TK1: variants seen among roughly 807,000 people sequenced by gnomAD.
TK1 encodes thymidine kinase 1.
In TK1, 13 loss-of-function variants were observed where a neutral mutation model predicts 22.4. The observed-to-expected ratio is 0.58, with a 90% CI of 0.38 to 0.92. The LOEUF (loss-of-function observed/expected upper bound fraction) is 0.92, where lower values mean the gene tolerates loss of function less well. TK1 is among the 40% of genes least tolerant of loss of function. The probability of loss-of-function intolerance (pLI) is 0.00; values close to 1 mark genes in which losing one functional copy is unlikely to be tolerated. For synonymous variants in TK1, 134 were observed against 125.4 expected, an observed-to-expected ratio of 1.07 and a Z score of -0.46; for missense variants, 251 against 315.7, an observed-to-expected ratio of 0.80 and a Z score of 1.55.
chr17:78,181,114 GGCAC>G (rs111477915), intron 4 of TK1, among the ~76,000 whole-genome samples: 11,355 of 151,962 alleles, frequency 0.075, 656 homozygotes, highest in East Asian at 0.27. Flanking sequence ...TACGCATGGT[GGCAC>G]GCACCTGTGA....
intron 3 of TK1, among the ~76,000 whole-genome samples, 158 bp downstream of exon 3, chr17:78,184,897 G>A (rs2075769577): frequency 6.6e-6 from 1 of 152,068 alleles, no homozygotes; most frequent in African/African-American, 2.4e-5. Flanking sequence ...CCAGGGAGTG[G>A]AGAGTGTGCG....
intron 4 of TK1, among the ~76,000 whole-genome samples, chr17:78,180,231 C>T (rs986232784): frequency 6.6e-6 from 1 of 152,248 alleles, no homozygotes; most frequent in Non-Finnish European, 1.5e-5. Context: ...TCTTCCCCTC[C>T]GTGTCTGTAT....
intron 4 of TK1, among the ~76,000 whole-genome samples, chr17:78,177,220 TAG>T (rs1567831125): frequency 6.6e-6 from 1 of 152,200 alleles, no homozygotes; most frequent in East Asian, 1.9e-4. Flanking sequence ...AAACTTATTA[TAG>T]ATTGCATGTC....
rs751365108 is a variant in TK1 at position 78,187,040 on chromosome 17, C to A, written c.-46G>T. 4.5e-6 allele frequency: 7 copies of A among 1,572,554 alleles called. No individual in the cohort carries two copies. The South Asian group carries it at 5.7e-5, about 13-fold the overall frequency. ...GAACCCGAGTACTCTCCAAGGCCGT[C>A]CCGCAGTAAGCCCCTGGTTCCCGCG... is the stretch of plus-strand genomic sequence containing the variant. On this transcript the variant is annotated 5_prime_UTR_variant, in exon 1 of 7. Transcript: ENST00000301634.
chr17:78,182,770 C>CAGCA, intron 3 of TK1, 88 bp from the exon 4 acceptor site: 1 of 948,924 alleles, frequency 1.1e-6, no homozygotes. Flanking sequence ...TCGTGACCAC[C>CAGCA]TGCTACCTGC....
At chr17:78,179,113 C>T (rs1280507507) in intron 4 of TK1, 2 of 975,236 alleles carry the variant, frequency 2.1e-6, no homozygotes, top group Admixed American at 6.2e-5. Flanking sequence ...CTGGGTCAGC[C>T]TCTGTCAACA....
chr17:78,182,251 G>C (rs562700050), intron 4 of TK1, among the ~76,000 whole-genome samples: 1 of 151,718 alleles, frequency 6.6e-6, no homozygotes, highest in Admixed American at 6.6e-5. Flanking sequence ...GCGCATGCCT[G>C]TAATCCCAGC....
In TK1 at chr17:78,182,630, C is replaced by A; in HGVS notation, c.262G>T (p.Ala88Ser). 1 of 1,596,298 alleles carries A rather than the reference C, an allele frequency of 6.3e-7. No individual in the cohort carries two copies. The highest frequency in any genetic ancestry group is 8.5e-7 in the Non-Finnish European group (1 of 1,172,598). ...ATGCCTATGACAGCCACGCCCAGGG[C>A]CTCCTGGGCCACGTCTCGGAGCAGG... ...ACLLRDVAQE[A>S]LGVAVIGIDE... The change falls in exon 4 of 7, where the codon GCC becomes TCC. Residue 88 changes from alanine (A) to serine (S), a missense_variant. Physicochemically the swap from Ala to Ser is moderately conservative, Grantham distance 99. Coordinates refer to ENST00000301634, the MANE Select transcript of TK1 (RefSeq NM_003258.5).
intron 3 of TK1, 66 bp from the exon 4 acceptor site, chr17:78,182,748 G>T: frequency 7.8e-7 from 1 of 1,289,144 alleles, no homozygotes; most frequent in Non-Finnish European, 1.0e-6. Context: ...CAGGGGCCAG[G>T]GAATGGCACT....
At chr17:78,179,448 A>G (rs1302626826) in intron 4 of TK1, 1 of 985,298 alleles carries the variant, frequency 1.0e-6, no homozygotes, top group African/African-American at 1.7e-5. Context: ...GCCATACCCA[A>G]GCGGGGAGGA....
chr17:78,186,360 G>A (rs1270257658), intron 2 of TK1, among the ~76,000 whole-genome samples: 2 of 152,154 alleles, frequency 1.3e-5, no homozygotes, highest in Admixed American at 1.3e-4. Flanking sequence ...CACGGCTTCA[G>A]ACTCCTTGGT....
chr17:78,175,261 G>C, intron 5 of TK1, 92 bp from the exon 6 acceptor site: 2 of 1,414,152 alleles, frequency 1.4e-6, no homozygotes, highest in Non-Finnish European at 1.9e-6. Flanking sequence ...CTGAAGCCAG[G>C]AGAGTTTGCT....
At position 78,184,947 on chromosome 17, in the gene TK1, T is replaced by C. The variant is rs184920411; in HGVS notation, c.209+108A>G. 73 of 849,478 alleles carry C rather than the reference T, an allele frequency of 8.6e-5. No homozygotes were observed. The African/African-American group carries it at 9.0e-4, about 10-fold the overall frequency. 52.6% of individuals were successfully genotyped at this position (849,478 alleles called of 1,614,324 possible). On this transcript the variant is annotated intron_variant, in intron 3 of 6. Transcript: ENST00000301634. ...ACCTTGGAAAGTGTGCTGATTTGAA[T>C]CATTCAATGTTCAAATGATTAACCA...
At chr17:78,183,517 A>C (rs374568858) in intron 3 of TK1, among the ~76,000 whole-genome samples, 8 of 152,182 alleles carry the variant, frequency 5.3e-5, no homozygotes, top group Middle Eastern at 3.4e-3. Flanking sequence ...ACACAGCGAG[A>C]CACTGTGTGA....
At chr17:78,185,020 T>G in intron 3 of TK1, 35 bp downstream of exon 3, 1 of 1,539,806 alleles carries the variant, frequency 6.5e-7, no homozygotes, top group Non-Finnish European at 9.0e-7. Context: ...CTTGTGATTT[T>G]CCACTGGACA....
chr17:78,186,953 G>A lies in TK1; in HGVS notation c.42C>T (p.Pro14=). 1.3e-6 allele frequency: 2 copies of A among 1,574,134 alleles called. No homozygotes were observed. Among genetic ancestry groups the A allele is most frequent in the Non-Finnish European group, 8.6e-7 (1 of 1,160,074 alleles). Residue 14 remains proline (P), a synonymous_variant, in exon 1 of 7, where the codon CCC becomes CCT. Transcript: ENST00000301634. ...CCTGGATCTGCCCCCGGGTCTTGCT[G>A]GGGGAGCCAGGCAGCACAGTGGGCA... The part of the protein sequence containing the change: ...INLPTVLPGS[P]SKTRGQIQVI...
intron 3 of TK1, among the ~76,000 whole-genome samples, chr17:78,183,974 A>AACTC (rs1216074188): frequency 6.6e-6 from 1 of 152,170 alleles, no homozygotes; most frequent in Non-Finnish European, 1.5e-5. Flanking sequence ...ACACGGGCAG[A>AACTC]ACTCATATTT....
In TK1 at chr17:78,174,957, G is replaced by T; in HGVS notation, c.514-7C>A. On this transcript the variant is annotated splice_polypyrimidine_tract_variant and splice_region_variant and intron_variant, in intron 6 of 6. Coordinates refer to ENST00000301634, the MANE Select transcript of TK1 (RefSeq NM_003258.5). ...CTCCCCCAATCACCTCGACCTGGCC[G>T]CAGGGACAGGGGATGGGTGAAGGGC... The T allele has an allele frequency of 6.2e-7, 1 of 1,611,772 alleles. No individual in the cohort carries two copies. Among genetic ancestry groups the T allele is most frequent in the Middle Eastern group, 1.7e-4 (1 of 6,056 alleles).
intron 4 of TK1, chr17:78,179,495 A>G: frequency 1.0e-6 from 1 of 985,442 alleles, no homozygotes. Context: ...CCCAGAGCGG[A>G]CACTGGCAGC....
Sources: gnomAD v4.1 joint callset for allele counts (sites outside exome capture counted in the v4.1 genomes callset) on GRCh38, gnomAD v4.1.1 for gene constraint, MANE v1.5 for transcripts, NCBI Gene and HGNC (gene_info 2026-07-23, HGNC 2026-07-21) for gene names.